Variants in STK32C observed in about 807,000 individuals in gnomAD.
STK32C encodes serine/threonine-protein kinase 32C.
Under a neutral mutation model 56.5 loss-of-function variants are expected in STK32C, and 31 were observed. That is an observed-to-expected ratio of 0.55 (90% CI 0.41 to 0.74). The LOEUF (loss-of-function observed/expected upper bound fraction) is 0.74. Ranked by LOEUF, STK32C falls within the 30% of genes least tolerant of loss-of-function variation. The probability of loss-of-function intolerance (pLI) is 0.00; values close to 1 mark genes in which losing one functional copy is unlikely to be tolerated. For missense variants in STK32C, 544 were observed against 676.9 expected (o/e 0.80, Z 2.18); for synonymous variants, 309 against 289.4 (o/e 1.07, Z -0.69).
rs184481276 is a variant in STK32C, at chr10:132,233,451, G to A, written c.319-5323C>T. Among the ~76,000 whole-genome samples, 7 of 152,330 alleles carry A rather than the reference G, an allele frequency of 4.6e-5. No individual in the cohort carries two copies. In the East Asian group the frequency reaches 5.8e-4, roughly 13 times the overall value. ...ATTCTAACGCGGTGAGTGGGAATCC[G>A]TTTTGGGGTTTCAGTTTTCCCCCGA... On this transcript the variant is annotated intron_variant, in intron 2 of 11. Transcript: ENST00000298630.
chr10:132,321,727 A>G (rs1242226071), downstream of STK32C, among the ~76,000 whole-genome samples: 1 of 152,192 alleles, frequency 6.6e-6, no homozygotes, highest in African/African-American at 2.4e-5. Context: ...GCTACTGCTG[A>G]GGCAGGAGAA....
At chr10:132,328,693 G>A (rs1200001377) in intron 1 of STK32C, among the ~76,000 whole-genome samples, 1 of 152,200 alleles carries the variant, frequency 6.6e-6, no homozygotes, top group Non-Finnish European at 1.5e-5. Context: ...AGATGGAATC[G>A]GTTAGGTCTG....
rs116881074 is a variant in STK32C at position 132,294,639 on chromosome 10, C to T, written c.262+12933G>A. ...TGGCTCACTCTTAGCCCCTCGGGAGCTCCAGCTAGTTGTGTACACAGCTAT... is the reference window on the plus strand; with the variant it reads ...TGGCTCACTCTTAGCCCCTCGGGAGTTCCAGCTAGTTGTGTACACAGCTAT... On this transcript the variant is annotated intron_variant, in intron 1 of 11. Transcript: ENST00000298630. 1.1e-3 allele frequency among the ~76,000 whole-genome samples: 165 copies of T among 152,290 alleles called. 1 individual carries two copies. In the East Asian group the frequency reaches 0.019, roughly 17 times the overall value.
At chr10:132,230,641 G>C (rs1022580067) in intron 2 of STK32C, among the ~76,000 whole-genome samples, 3 of 148,872 alleles carry the variant, frequency 2.0e-5, no homozygotes, top group African/African-American at 7.4e-5. Context: ...GGGGCCACTG[G>C]CTGGGGCCAG....
At chr10:132,231,266 G>C (rs981789562) in intron 2 of STK32C, among the ~76,000 whole-genome samples, 1 of 143,304 alleles carries the variant, frequency 7.0e-6, no homozygotes, top group African/African-American at 2.6e-5. Context: ...CTTGCCTCCA[G>C]CCTGTTACCC....
At chr10:132,241,042 C>A (rs541986508) in intron 2 of STK32C, among the ~76,000 whole-genome samples, 7 of 152,246 alleles carry the variant, frequency 4.6e-5, no homozygotes, top group Admixed American at 6.5e-5. Context: ...CAGAAGTCAA[C>A]GGGAACACAC....
chr10:132,278,765 A>C (rs1202417888), intron 1 of STK32C, among the ~76,000 whole-genome samples: 5 of 152,002 alleles, frequency 3.3e-5, no homozygotes, highest in Non-Finnish European at 5.9e-5. Context: ...CTCAAAAAAA[A>C]AAAAAAAAAA....
rs2066105008 is a variant in STK32C, at chr10:132,307,259, A to T, written c.262+313T>A. ...CCCGAGCGGATCACGGAAAGCGGAA[A>T]GCAGGGCTGCCACGGGCGGTGGGCG... is the stretch of plus-strand genomic sequence containing the variant. On this transcript the variant is annotated intron_variant, in intron 1 of 11. Coordinates refer to ENST00000298630, the MANE Select transcript of STK32C (RefSeq NM_173575.4). This position sits in a 1 kb window ranked among gnomAD's most constrained non-coding sequence, Gnocchi z 4.4. 1 of 229,218 alleles carries T rather than the reference A, an allele frequency of 4.4e-6. No homozygotes were observed. The highest frequency in any genetic ancestry group is 1.0e-4 in the East Asian group (1 of 10,010). 14.2% of individuals were successfully genotyped at this position (229,218 alleles called of 1,614,324 possible). A position where few individuals can be genotyped will look rare whatever the true frequency, so the allele number is the denominator to read the frequency against.
intron 1 of STK32C, among the ~76,000 whole-genome samples, chr10:132,254,542 T>C (rs12251112): frequency 7.1e-5 from 6 of 84,088 alleles, no homozygotes; most frequent in East Asian, 3.0e-4. Flanking sequence ...TGCCGCAGGG[T>C]GCCGGGAGTC....
exon 1 of STK32C, chr10:132,331,586 G>C (rs1421916955): frequency 3.1e-6 from 5 of 1,612,950 alleles, no homozygotes; most frequent in East Asian, 2.2e-5. Context: ...GGAAGCCCCA[G>C]GAGAGACGCG....
At chr10:132,330,031 C>T (rs1334984855) in intron 1 of STK32C, among the ~76,000 whole-genome samples, 1 of 152,214 alleles carries the variant, frequency 6.6e-6, no homozygotes, top group South Asian at 2.1e-4. Context: ...CAACAAGGAA[C>T]GCGGCACCAG....
intron 2 of STK32C, among the ~76,000 whole-genome samples, chr10:132,242,380 G>A (rs898828375): frequency 6.6e-6 from 1 of 152,152 alleles, no homozygotes; most frequent in African/African-American, 2.4e-5. Context: ...TAAACTCTGC[G>A]TTGTTGACTG....
intron 1 of STK32C, among the ~76,000 whole-genome samples, chr10:132,300,399 A>G (rs1405439407): frequency 6.6e-6 from 1 of 152,100 alleles, no homozygotes; most frequent in Non-Finnish European, 1.5e-5. Flanking sequence ...ACAGGTGGAG[A>G]AGTGGGGTGA....
At chr10:132,264,054 A>G (rs1008644774) in intron 1 of STK32C, among the ~76,000 whole-genome samples, 2 of 152,134 alleles carry the variant, frequency 1.3e-5, no homozygotes, top group Non-Finnish European at 2.9e-5. Flanking sequence ...GACAGAAGGC[A>G]GTGTGGTGGC....
intron 1 of STK32C, among the ~76,000 whole-genome samples, chr10:132,283,038 G>A (rs940699184): frequency 1.3e-4 from 20 of 152,228 alleles, no homozygotes; most frequent in African/African-American, 4.1e-4. Flanking sequence ...CCACCAAGGC[G>A]GACCCCACTC....
At chr10:132,268,644 GGT>G (rs1428728816) in intron 1 of STK32C, among the ~76,000 whole-genome samples, 4 of 117,638 alleles carry the variant, frequency 3.4e-5, no homozygotes, top group Non-Finnish European at 5.3e-5. Flanking sequence ...TGTGTGTGTC[GGT>G]GTGTGTGCAT....
At chr10:132,251,311 A>AGGGAC (rs2063897178) in intron 1 of STK32C, among the ~76,000 whole-genome samples, 1 of 152,186 alleles carries the variant, frequency 6.6e-6, no homozygotes, top group African/African-American at 2.4e-5. Flanking sequence ...GAGGGAGCAG[A>AGGGAC]GGGACGGGTC....
intron 10 of STK32C, among the ~76,000 whole-genome samples, chr10:132,216,779 G>A (rs1382223891): frequency 1.3e-5 from 2 of 152,244 alleles, no homozygotes; most frequent in Non-Finnish European, 2.9e-5. Flanking sequence ...GAGGGTACAA[G>A]CCCCAAGCTG....
At chr10:132,316,140 C>A (rs1349095080) in intron 1 of STK32C, among the ~76,000 whole-genome samples, 1 of 152,096 alleles carries the variant, frequency 6.6e-6, no homozygotes, top group Non-Finnish European at 1.5e-5. Flanking sequence ...TATTCTGAAA[C>A]ATCTTGTTGC....
Sources: allele counts gnomAD v4.1 joint callset (sites outside exome capture counted in the v4.1 genomes callset), GRCh38; gene constraint gnomAD v4.1.1; non-coding constraint Gnocchi (gnomAD v3.1); transcripts MANE v1.5; gene names NCBI Gene and HGNC (gene_info 2026-07-23, HGNC 2026-07-21).